DENND4C: variants seen among roughly 807,000 people sequenced by gnomAD.
DENND4C encodes the protein DENN domain containing 4C, also known as DENN domain-containing protein 4C.
DENND4C carries 108 observed loss-of-function variants against 203.0 expected under a neutral mutation model. The ratio of observed to expected loss-of-function variants is 0.53; its 90% CI spans 0.46 to 0.62. The LOEUF (loss-of-function observed/expected upper bound fraction) is 0.62. DENND4C is among the 20% of genes least tolerant of loss of function. The probability of loss-of-function intolerance (pLI) is 0.00; values close to 1 mark genes in which losing one functional copy is unlikely to be tolerated. For missense variants in DENND4C, 2,481 were observed against 2,301.2 expected (o/e 1.08, Z -1.60); for synonymous variants, 871 against 792.4 (o/e 1.10, Z -1.67).
At chr9:19,248,028 T>C (rs1055660516) in intron 1 of DENND4C, among the ~76,000 whole-genome samples, 1 of 152,166 alleles carries the variant, frequency 6.6e-6, no homozygotes, top group East Asian at 1.9e-4. Context: ...TTCTATCTGC[T>C]CTCCCTTGCT....
At chr9:19,236,860 A>G (rs1050179038) in intron 1 of DENND4C, among the ~76,000 whole-genome samples, 1 of 152,162 alleles carries the variant, frequency 6.6e-6, no homozygotes, top group African/African-American at 2.4e-5. Flanking sequence ...TTTGCATGCT[A>G]CTTTTTCTAA....
chr9:19,300,451 A>G, intron 9 of DENND4C, 120 bp downstream of exon 9: 1 of 976,994 alleles, frequency 1.0e-6, no homozygotes, highest in South Asian at 3.6e-5. Context: ...AGGAACTTTG[A>G]AAAATTTCCA....
intron 12 of DENND4C, among the ~76,000 whole-genome samples, chr9:19,318,828 G>A (rs978331687): frequency 3.3e-5 from 5 of 152,106 alleles, no homozygotes; most frequent in African/African-American, 4.8e-5. Flanking sequence ...TAAAGACCCT[G>A]TCTCCAAATA....
At chr9:19,296,311 G>T in intron 6 of DENND4C, 65 bp downstream of exon 6, 2 of 1,094,180 alleles carry the variant, frequency 1.8e-6, no homozygotes, top group Non-Finnish European at 1.3e-6. Context: ...ACATTTGTTT[G>T]TGTAATTTTT....
At chr9:19,278,833 G>C (rs1371883999) in intron 2 of DENND4C, among the ~76,000 whole-genome samples, 1 of 152,094 alleles carries the variant, frequency 6.6e-6, no homozygotes, top group African/African-American at 2.4e-5. Flanking sequence ...GTTCAGAAAT[G>C]ACTGGGAATT....
At chr9:19,367,349 A>G (rs1437048696) in intron 30 of DENND4C, among the ~76,000 whole-genome samples, 1 of 152,242 alleles carries the variant, frequency 6.6e-6, no homozygotes, top group East Asian at 1.9e-4. Flanking sequence ...GTATATACCT[A>G]AGAGAAATGA....
chr9:19,259,349 G>A (rs890537194), intron 1 of DENND4C, among the ~76,000 whole-genome samples: 10 of 152,014 alleles, frequency 6.6e-5, no homozygotes, highest in African/African-American at 2.4e-4. Context: ...TAAGTGAAGT[G>A]AAAACGTGAA....
intron 1 of DENND4C, among the ~76,000 whole-genome samples, chr9:19,271,761 AG>A (rs1202397894): frequency 6.6e-6 from 1 of 151,106 alleles, no homozygotes; most frequent in African/African-American, 2.4e-5. Flanking sequence ...GCTACTCGGG[AG>A]GCTGAGGCAG....
rs986111201 is a variant in DENND4C, at chr9:19,372,422, A to T, written c.*249A>T. ...AACTGCTTTTCTGCCTCTGTGGAAA[A>T]CTACTTTGGGATTCTTCAGTATTTG... On this transcript the variant is annotated 3_prime_UTR_variant, in exon 33 of 33. Transcript: ENST00000434457. The T allele has an allele frequency of 4.6e-5, 17 of 365,780 alleles. No individual in the cohort carries two copies. Among genetic ancestry groups the T allele is most frequent in the Non-Finnish European group, 4.8e-6 (1 of 206,878 alleles). 22.7% of individuals were successfully genotyped at this position (365,780 alleles called of 1,614,324 possible).
intron 10 of DENND4C, among the ~76,000 whole-genome samples, chr9:19,306,748 T>TTTATTTA (rs1554630258): frequency 3.2e-5 from 3 of 94,060 alleles, no homozygotes; most frequent in Admixed American, 1.0e-4. Context: ...CACAATTGTA[T>TTTATTTA]TTATTTATTT....
intron 1 of DENND4C, among the ~76,000 whole-genome samples, chr9:19,268,518 C>T (rs991645586): frequency 6.6e-6 from 1 of 152,172 alleles, no homozygotes; most frequent in African/African-American, 2.4e-5. Context: ...TTTGCTATTA[C>T]CAGGGAGTTT....
chr9:19,334,473 TTAA>T (rs57550272), intron 17 of DENND4C, among the ~76,000 whole-genome samples: 1,705 of 152,148 alleles, frequency 0.011, 30 homozygotes, highest in African/African-American at 0.037. Flanking sequence ...TATGAAATGG[TTAA>T]TAATGATGAT....
At chr9:19,345,802 T>C in intron 22 of DENND4C, 119 bp from the exon 23 acceptor site, 1 of 991,574 alleles carries the variant, frequency 1.0e-6, no homozygotes, top group Non-Finnish European at 1.4e-6. Context: ...GGCCTCTAAA[T>C]TTTCTGGATC....
intron 17 of DENND4C, among the ~76,000 whole-genome samples, chr9:19,334,022 A>T (rs1190741388): frequency 1.3e-5 from 2 of 152,008 alleles, no homozygotes; most frequent in African/African-American, 2.4e-5. Context: ...GACTTCAATT[A>T]TACTTGATTT....
At chr9:19,305,623 A>G (rs1839497373) in intron 10 of DENND4C, 96 bp downstream of exon 10, 15 of 1,285,132 alleles carry the variant, frequency 1.2e-5, no homozygotes, top group South Asian at 1.5e-5. Flanking sequence ...TATTTTTGGT[A>G]GTTGTTAAAT....
At chr9:19,333,003 C>G (rs1265276939) in intron 17 of DENND4C, among the ~76,000 whole-genome samples, 1 of 149,658 alleles carries the variant, frequency 6.7e-6, no homozygotes, top group Non-Finnish European at 1.5e-5. Flanking sequence ...GTTATATAAT[C>G]TATTTAAAAA....
intron 13 of DENND4C, 137 bp from the exon 14 acceptor site, chr9:19,325,802 A>G: frequency 1.3e-6 from 1 of 791,366 alleles, no homozygotes; most frequent in Non-Finnish European, 2.0e-6. Context: ...TATTCAGCCT[A>G]AAAATATACT....
intron 20 of DENND4C, chr9:19,337,472 G>A (rs1054929200): frequency 6.3e-6 from 2 of 318,934 alleles, no homozygotes; most frequent in Admixed American, 5.5e-5. Context: ...TCTAATTCCT[G>A]TGCTTCATCT....
chr9:19,260,804 C>T (rs1364869303), intron 1 of DENND4C, among the ~76,000 whole-genome samples: 1 of 152,164 alleles, frequency 6.6e-6, no homozygotes, highest in Admixed American at 6.6e-5. Flanking sequence ...TGTGCAGAAG[C>T]ATTTTAACTT....
Sources: allele counts gnomAD v4.1 joint callset (sites outside exome capture counted in the v4.1 genomes callset), GRCh38; gene constraint gnomAD v4.1.1; transcripts MANE v1.5; gene names NCBI Gene and HGNC (gene_info 2026-07-23, HGNC 2026-07-21).